HHLA2: variants seen among roughly 807,000 people sequenced by gnomAD.
The protein encoded by HHLA2 is HERV-H LTR-associating protein 2.
A neutral mutation model predicts 45.9 loss-of-function variants in HHLA2; 48 were observed. The observed-to-expected ratio is 1.05, with a 90% CI of 0.83 to 1.33. HHLA2 has a LOEUF of 1.33. Ranked by LOEUF, HHLA2 falls within the 40% of genes most tolerant of loss-of-function variation. The pLI is 0.00. For synonymous variants in HHLA2, 161 were observed against 173.9 expected (o/e 0.93, Z 0.59); for missense variants, 462 against 494.3 (o/e 0.93, Z 0.62).
At position 108,301,880 on chromosome 3, in the gene HHLA2, C is replaced by T. The variant is rs1047402948; in HGVS notation, c.-192+5281C>T. On this transcript the variant is annotated intron_variant, in intron 1 of 10. Coordinates refer to ENST00000619531, the Ensembl canonical transcript of HHLA2. The stretch of plus-strand genomic sequence containing the variant: ...CTAAATTGGTTTCATCCGAGTGACT[C>T]GAGTGACTCGCATTTACCAAGTATT... Among the ~76,000 whole-genome samples, 8 of 152,186 alleles carry T rather than the reference C, an allele frequency of 5.3e-5. No homozygotes were observed. In the East Asian group the frequency reaches 1.5e-3, roughly 29 times the overall value.
At chr3:108,358,286 G>A in intron 7 of HHLA2, 125 bp downstream of exon 6, 1 of 660,866 alleles carries the variant, frequency 1.5e-6, no homozygotes, top group East Asian at 2.8e-5. Flanking sequence ...ATAATCCACA[G>A]GGATATTTCT....
chr3:108,375,646 A>G lies in HHLA2; in HGVS notation c.1109-104A>G, dbSNP rs915402277. ...CGAAAAACCCTTCAAAGAACCAGAG[A>G]GTGACTTTCAATTGAAGGACAGAGC... is the stretch of plus-strand genomic sequence containing the variant. On this transcript the variant is annotated intron_variant, in intron 8 of 10. Transcript: ENST00000619531. 6.8e-5 allele frequency: 95 copies of G among 1,393,870 alleles called. 1 individual carries two copies. Among genetic ancestry groups the G allele is most frequent in the Admixed American group, 6.2e-4 (26 of 42,134 alleles). The allele number at this position is 1,393,870 out of a possible 1,614,324, so 86.3% of individuals were successfully genotyped here.
In HHLA2 at chr3:108,376,107, G is replaced by C. The variant is rs115095021; in HGVS notation, c.1159+307G>C. ...ATATGTATTAAAGGGCCATATTTTA[G>C]GAAAGTCCATAAGGAGACCTTCTTT... On this transcript the variant is annotated intron_variant, in intron 9 of 10. Coordinates refer to ENST00000619531, the Ensembl canonical transcript of HHLA2. Among the ~76,000 whole-genome samples the C allele has an allele frequency of 3.2e-3, 480 of 152,206 alleles. 5 individuals carry two copies. The highest frequency in any genetic ancestry group is 0.011 in the African/African-American group (465 of 41,520).
At chr3:108,333,598 C>CAAAA (rs5851586) in intron 3 of HHLA2, among the ~76,000 whole-genome samples, 2 of 108,278 alleles carry the variant, frequency 1.8e-5, no homozygotes, top group Non-Finnish European at 1.9e-5. Context: ...TCTCAGTAAC[C>CAAAA]AAAAAAAAAA....
At chr3:108,310,883 C>T (rs1487686444) in intron 2 of HHLA2, 142 bp downstream of exon 2, 1 of 152,470 alleles carries the variant, frequency 6.6e-6, no homozygotes, top group East Asian at 1.9e-4. Flanking sequence ...GATATTCCTA[C>T]ACAAAAATAC....
chr3:108,331,733 G>A (rs1021642594), intron 3 of HHLA2, among the ~76,000 whole-genome samples: 6 of 152,088 alleles, frequency 3.9e-5, no homozygotes, highest in African/African-American at 1.4e-4. Flanking sequence ...GTTTTTGATT[G>A]AAGATCTAAT....
chr3:108,325,470 C>G (rs1439048380), intron 2 of HHLA2: 1 of 378,902 alleles, frequency 2.6e-6, no homozygotes, highest in Non-Finnish European at 5.2e-6. Flanking sequence ...TTCTCTGGCT[C>G]TCCTCTCCTG....
Position 108,376,566 on chromosome 3 carries a change from T to C in HHLA2, c.1224+9T>C, listed in dbSNP as rs79390534. On this transcript the variant is annotated intron_variant, in intron 10 of 10. Coordinates refer to ENST00000619531, the Ensembl canonical transcript of HHLA2. ...ATGGCGAAGAAAATGTGGTAAGGCA[T>C]TATTTCCTTTATCAAACCATATACA... 875 of 1,609,782 alleles carry C rather than the reference T, an allele frequency of 5.4e-4. 18 individuals carry two copies. In the East Asian group the frequency reaches 0.019, roughly 35 times the overall value.
intron 8 of HHLA2, among the ~76,000 whole-genome samples, chr3:108,374,612 T>C (rs1430127617): frequency 6.6e-6 from 1 of 151,628 alleles, no homozygotes; most frequent in Non-Finnish European, 1.5e-5. Context: ...GAATCTACAA[T>C]GAACTCAAAC....
At chr3:108,375,864 G>A (rs376693852) in intron 9 of HHLA2, 64 bp downstream of exon 8, 62 of 1,578,724 alleles carry the variant, frequency 3.9e-5, no homozygotes, top group Middle Eastern at 1.7e-4. Context: ...AAAAGATATC[G>A]GCAAAAACTC....
At chr3:108,302,201 G>A (rs556450483) in intron 1 of HHLA2, among the ~76,000 whole-genome samples, 1 of 152,220 alleles carries the variant, frequency 6.6e-6, no homozygotes, top group Non-Finnish European at 1.5e-5. Flanking sequence ...AAATGAGTTT[G>A]AAAGAGAAAA....
intron 3 of HHLA2, among the ~76,000 whole-genome samples, chr3:108,343,148 C>T (rs2081604743): frequency 6.6e-6 from 1 of 152,148 alleles, no homozygotes; most frequent in Non-Finnish European, 1.5e-5. Flanking sequence ...AGTCCTGTTT[C>T]CTAGGAGGTC....
chr3:108,328,373 T>C, intron 3 of HHLA2: 1 of 1,469,202 alleles, frequency 6.8e-7, no homozygotes, highest in Non-Finnish European at 9.1e-7. Flanking sequence ...TACAATGAGG[T>C]TCCAGTATTA....
intron 1 of HHLA2, among the ~76,000 whole-genome samples, chr3:108,308,859 A>G (rs1189757798): frequency 6.6e-6 from 1 of 152,136 alleles, no homozygotes; most frequent in Admixed American, 6.5e-5. Flanking sequence ...TTGGATTATT[A>G]GATTTTTTCC....
chr3:108,376,425 T>C (rs1268653416), intron 9 of HHLA2, 68 bp from the exon 9 acceptor site: 6 of 1,195,782 alleles, frequency 5.0e-6, no homozygotes, highest in South Asian at 2.9e-5. Context: ...TATATTGAGA[T>C]AGGACTAAGG....
At chr3:108,300,349 T>C (rs1392928195) in intron 1 of HHLA2, among the ~76,000 whole-genome samples, 1 of 152,140 alleles carries the variant, frequency 6.6e-6, no homozygotes, top group Non-Finnish European at 1.5e-5. Context: ...CTTTGTTTCA[T>C]AGAAAGGATT....
At chr3:108,360,648 G>A (rs2081970769) in intron 7 of HHLA2, among the ~76,000 whole-genome samples, 1 of 152,224 alleles carries the variant, frequency 6.6e-6, no homozygotes, top group African/African-American at 2.4e-5. Flanking sequence ...CGGACAAAGG[G>A]CGCAGTCACG....
intron 2 of HHLA2, among the ~76,000 whole-genome samples, chr3:108,324,320 G>T (rs897685431): frequency 2.0e-5 from 3 of 152,108 alleles, no homozygotes; most frequent in Non-Finnish European, 4.4e-5. Context: ...TATAACAAGA[G>T]CATTTTTGCT....
chr3:108,323,826 C>T (rs1451778391), intron 2 of HHLA2, among the ~76,000 whole-genome samples: 1 of 152,124 alleles, frequency 6.6e-6, no homozygotes, highest in African/African-American at 2.4e-5. Flanking sequence ...TAGAAGGGAA[C>T]TGAAATGAAA....
Sources: gnomAD v4.1 joint callset for allele counts (sites outside exome capture counted in the v4.1 genomes callset) on GRCh38, gnomAD v4.1.1 for gene constraint, MANE v1.5 for transcripts, NCBI Gene and HGNC (gene_info 2026-07-23, HGNC 2026-07-21) for gene names.